THAP4: variants seen among roughly 807,000 people sequenced by gnomAD.
THAP4 encodes the protein THAP domain containing 4.
THAP4 carries 18 observed loss-of-function variants against 48.1 expected under a neutral mutation model. That is an observed-to-expected ratio of 0.37 (90% CI 0.26 to 0.56). The LOEUF (loss-of-function observed/expected upper bound fraction) is 0.56, where lower values mean the gene tolerates loss of function less well. THAP4 is among the 20% of genes least tolerant of loss of function. The probability of loss-of-function intolerance (pLI) is 0.78; values close to 1 mark genes in which losing one functional copy is unlikely to be tolerated. For synonymous variants in THAP4, 345 were observed against 324.9 expected, an observed-to-expected ratio of 1.06 and a Z score of -0.66; for missense variants, 656 against 774.9, an observed-to-expected ratio of 0.85 and a Z score of 1.82.
chr2:241,622,230 T>C (rs946246042), intron 2 of THAP4, among the ~76,000 whole-genome samples: 3 of 152,148 alleles, frequency 2.0e-5, no homozygotes, highest in African/African-American at 7.2e-5. Flanking sequence ...CTGGGGCTGG[T>C]GGCGGGCGCC....
intron 5 of THAP4, among the ~76,000 whole-genome samples, chr2:241,597,882 G>A (rs1339635382): frequency 6.6e-6 from 1 of 151,646 alleles, no homozygotes; most frequent in Middle Eastern, 3.2e-3. Flanking sequence ...CAACTCCATC[G>A]TCTCTGTCTC....
intron 3 of THAP4, among the ~76,000 whole-genome samples, chr2:241,603,314 C>T (rs187184402): frequency 6.6e-6 from 1 of 151,624 alleles, no homozygotes; most frequent in Non-Finnish European, 1.5e-5. Flanking sequence ...CCGCCCCCTC[C>T]ACCACCTTGC....
At chr2:241,621,936 G>A (rs959570852) in intron 2 of THAP4, among the ~76,000 whole-genome samples, 11 of 150,728 alleles carry the variant, frequency 7.3e-5, no homozygotes, top group African/African-American at 1.5e-4. Context: ...CAGAAACCAC[G>A]CAAGCAAAAA....
intron 1 of THAP4, 82 bp downstream of exon 1, chr2:241,636,859 C>G: frequency 1.2e-6 from 1 of 841,998 alleles, no homozygotes; most frequent in South Asian, 5.2e-5. Flanking sequence ...CCCCGCCCCC[C>G]GCGTTCGGGC....
Position 241,610,335 on chromosome 2 carries a change from C to G in THAP4, c.1241-3862G>C, listed in dbSNP as rs1413113647. Among the ~76,000 whole-genome samples, 1 of 152,158 alleles carries G rather than the reference C, an allele frequency of 6.6e-6. No homozygotes were observed. The highest frequency in any genetic ancestry group is 1.5e-5 in the Non-Finnish European group (1 of 68,020). On this transcript the variant is annotated intron_variant, in intron 2 of 5. Coordinates refer to ENST00000407315, the MANE Select transcript of THAP4 (RefSeq NM_015963.6). This position sits in a 1 kb window ranked among gnomAD's most constrained non-coding sequence, Gnocchi z 4.2. ...GCATCTCCGCCCTCTCTTGCGCCTG[C>G]GGGACCGGGAGGGCCGCGCTCGCCC...
chr2:241,637,192 G>GCCCCAGCCCCCA, upstream of THAP4: 1 of 986,176 alleles, frequency 1.0e-6, no homozygotes, highest in Non-Finnish European at 1.2e-6. Context: ...GCCCGCCCCC[G>GCCCCAGCCCCCA]CCCCAGCCCC....
At position 241,612,220 on chromosome 2, in the gene THAP4, G is replaced by A. The variant is rs141011737; in HGVS notation, c.1241-5747C>T. Among the ~76,000 whole-genome samples, 867 of 152,110 alleles carry A rather than the reference G, an allele frequency of 5.7e-3. 7 individuals carry two copies. The highest frequency in any genetic ancestry group is 0.02 in the African/African-American group (825 of 41,470). ...AGCAGCACAGGGAGAAACAAACACC[G>A]GGAAACACAGCGGAACACAGAGGAC... On this transcript the variant is annotated intron_variant, in intron 2 of 5. Transcript: ENST00000407315. This position sits in a 1 kb window ranked among gnomAD's most constrained non-coding sequence, Gnocchi z 4.1.
In THAP4 at chr2:241,633,821, C is replaced by T; in HGVS notation, c.336G>A (p.Val112=). The T allele has an allele frequency of 6.2e-7, 1 of 1,613,832 alleles. No individual in the cohort carries two copies. The highest frequency in any genetic ancestry group is 8.5e-7 in the Non-Finnish European group (1 of 1,179,784). ...TGGTGGCGGCACTCGAGTGTCCCCT[C>T]ACACCCCCTGTGGCCTTGCTGGCAT... ...RKDASKATGG[V]RGHSSAATSR... Residue 112 remains valine (V), a synonymous_variant, in exon 2 of 6, where the codon GTG becomes GTA. Coordinates refer to ENST00000407315, the MANE Select transcript of THAP4 (RefSeq NM_015963.6). The surrounding 1 kb of genome is among the most constrained non-coding windows in gnomAD (Gnocchi z 7.5).
chr2:241,600,592 G>A (rs1387140986), intron 5 of THAP4, among the ~76,000 whole-genome samples: 1 of 151,922 alleles, frequency 6.6e-6, no homozygotes, highest in East Asian at 1.9e-4. Flanking sequence ...TCTGGGTGTG[G>A]TGGCGGGCAC....
At chr2:241,630,239 A>G (rs1038745103) in intron 2 of THAP4, among the ~76,000 whole-genome samples, 3 of 152,200 alleles carry the variant, frequency 2.0e-5, no homozygotes, top group African/African-American at 7.2e-5. Flanking sequence ...ACAGCAACAA[A>G]AGCAGAGAGA....
At chr2:241,635,978 C>A (rs908133403) in intron 1 of THAP4, among the ~76,000 whole-genome samples, 4 of 152,114 alleles carry the variant, frequency 2.6e-5, no homozygotes, top group Non-Finnish European at 2.9e-5. Flanking sequence ...CCCCCCACCC[C>A]CAATTCCGAT....
Position 241,608,042 on chromosome 2 carries a change from G to A in THAP4, c.1241-1569C>T, listed in dbSNP as rs528370061. Reference sequence around the variant, plus strand: ...CGCAAGCAGAAGACGGACTGACGGGGACAGGAGTTCTTGGAACCATCGCAG... The same window carrying A: ...CGCAAGCAGAAGACGGACTGACGGGAACAGGAGTTCTTGGAACCATCGCAG... On this transcript the variant is annotated intron_variant, in intron 2 of 5. Transcript: ENST00000407315. 4.6e-5 allele frequency among the ~76,000 whole-genome samples: 7 copies of A among 152,140 alleles called. No individual in the cohort carries two copies. In the East Asian group the frequency reaches 1.4e-3, roughly 29 times the overall value.
rs940247445 is a variant in THAP4, at chr2:241,584,782, A to G, written c.1615-57T>C. 5 of 1,607,898 alleles carry G rather than the reference A, an allele frequency of 3.1e-6. No homozygotes were observed. The African/African-American group carries it at 6.7e-5, about 21-fold the overall frequency. ...GTTTTATCTTCAAAAGATTCAATCA[A>G]TGCCTGTGCGCCCACTGCATGCCAC... is the stretch of plus-strand genomic sequence containing the variant. On this transcript the variant is annotated intron_variant, in intron 5 of 5. Transcript: ENST00000407315.
chr2:241,630,958 A>G (rs2067551508), intron 2 of THAP4, among the ~76,000 whole-genome samples: 1 of 150,748 alleles, frequency 6.6e-6, no homozygotes, highest in Non-Finnish European at 1.5e-5. Flanking sequence ...CCCAGGAGGC[A>G]GAGGTTGGAG....
intron 3 of THAP4, among the ~76,000 whole-genome samples, chr2:241,604,418 A>C (rs2067154483): frequency 6.6e-6 from 1 of 151,960 alleles, no homozygotes; most frequent in African/African-American, 2.4e-5. Context: ...TGCCCGGCTA[A>C]TTTTGTAATT....
In THAP4 at chr2:241,589,212, C is replaced by CAA. The variant is rs765239066; in HGVS notation, c.1615-4489_1615-4488dup. On this transcript the variant is annotated intron_variant, in intron 5 of 5. Coordinates refer to ENST00000407315, the MANE Select transcript of THAP4 (RefSeq NM_015963.6). ...TGGGCAACGAGAGCAAACAATGTCT[C>CAA]AAAAAAAAAAAAGAAAAAGAAAAGA... Among the ~76,000 whole-genome samples, 650 of 110,666 alleles carry CAA rather than the reference C, an allele frequency of 5.9e-3. 18 individuals carry two copies. Among genetic ancestry groups the CAA allele is most frequent in the Admixed American group, 0.034 (328 of 9,658 alleles). 72.6% of individuals were successfully genotyped at this position (110,666 alleles called of 152,430 possible). A position where few individuals can be genotyped will look rare whatever the true frequency, so the allele number is the denominator to read the frequency against.
intron 2 of THAP4, among the ~76,000 whole-genome samples, chr2:241,628,863 C>G (rs2067524863): frequency 6.8e-6 from 1 of 147,430 alleles, no homozygotes. Flanking sequence ...TCGCTGGAGC[C>G]CAGGGGGTCG....
At position 241,632,937 on chromosome 2, in the gene THAP4, C is replaced by T. The variant is rs754959698; in HGVS notation, c.1220G>A (p.Ser407Asn). 1 of 1,605,498 alleles carries T rather than the reference C, an allele frequency of 6.2e-7. No homozygotes were observed. Among genetic ancestry groups the T allele is most frequent in the Non-Finnish European group, 8.5e-7 (1 of 1,175,542 alleles). ...CTGACCGCGGCTGGGCGACAGCAGG[C>T]TACTTGGATAGGGGACGCTCACTCT... ...LRRVSVPYPS[S>N]LLSPSREPPK... The change falls in exon 2 of 6, where the codon AGC becomes AAC. Residue 407 changes from serine to asparagine, a missense_variant. This residue lies in a region of THAP4 where 176 missense variants were observed against 256.7 expected (regional missense o/e 0.69). Coordinates refer to ENST00000407315, the MANE Select transcript of THAP4 (RefSeq NM_015963.6).
At chr2:241,609,505 C>T (rs993945041) in intron 2 of THAP4, among the ~76,000 whole-genome samples, 1 of 152,144 alleles carries the variant, frequency 6.6e-6, no homozygotes, top group Non-Finnish European at 1.5e-5. Flanking sequence ...GGCTTTGGGC[C>T]GGGCGCAATG....
Sources: gnomAD v4.1 joint callset for allele counts (sites outside exome capture counted in the v4.1 genomes callset) on GRCh38, gnomAD v4.1.1 for gene constraint, gnomAD v4.1.1 regional missense constraint, Gnocchi (gnomAD v3.1) non-coding constraint, MANE v1.5 for transcripts, NCBI Gene and HGNC (gene_info 2026-07-23, HGNC 2026-07-21) for gene names.